FHIT: variants seen among roughly 807,000 people sequenced by gnomAD.
FHIT encodes the protein bis(5'-adenosyl)-triphosphatase.
In FHIT, 19 loss-of-function variants were observed where a neutral mutation model predicts 17.9. That is an observed-to-expected ratio of 1.06 (90% CI 0.74 to 1.56). FHIT has a LOEUF of 1.56. Ranked by LOEUF, FHIT falls within the 40% of genes most tolerant of loss-of-function variation. The probability of loss-of-function intolerance (pLI) is 0.00; values close to 1 mark genes in which losing one functional copy is unlikely to be tolerated. For synonymous variants in FHIT, 81 were observed against 69.7 expected (o/e 1.16, Z -0.81); for missense variants, 248 against 189.2 (o/e 1.31, Z -1.82).
chr3:60,111,508 T>C (rs1158124099), intron 5 of FHIT, among the ~76,000 whole-genome samples: 1 of 152,186 alleles, frequency 6.6e-6, no homozygotes, highest in Non-Finnish European at 1.5e-5. Flanking sequence ...CTTCCAGCAA[T>C]GTAATTACCC....
intron 4 of FHIT, among the ~76,000 whole-genome samples, chr3:60,756,682 T>C (rs1395801246): frequency 1.3e-5 from 2 of 152,238 alleles, no homozygotes; most frequent in Non-Finnish European, 2.9e-5. Context: ...AGAAGATCTA[T>C]GTTATCACCT....
intron 4 of FHIT, among the ~76,000 whole-genome samples, chr3:60,600,412 G>A (rs981644492): frequency 2.0e-5 from 3 of 151,984 alleles, no homozygotes; most frequent in Admixed American, 1.3e-4. Context: ...GAGTAAGGCA[G>A]GATTACAGAA....
intron 7 of FHIT, among the ~76,000 whole-genome samples, chr3:59,929,858 C>T (rs773985001): frequency 1.4e-4 from 17 of 122,070 alleles, no homozygotes; most frequent in Admixed American, 5.1e-4. Context: ...ATATGATACA[C>T]GCTTTTTTTT....
chr3:60,357,150 G>A (rs1214121988), intron 5 of FHIT, among the ~76,000 whole-genome samples: 1 of 152,070 alleles, frequency 6.6e-6, no homozygotes, highest in Non-Finnish European at 1.5e-5. Flanking sequence ...AAGAAACTCC[G>A]GATTGTTTCA....
intron 2 of FHIT, among the ~76,000 whole-genome samples, chr3:61,170,042 C>T (rs1359850886): frequency 6.6e-6 from 1 of 152,050 alleles, no homozygotes. Context: ...TAAAGCCAGG[C>T]TAGAAAGATC....
At chr3:61,188,709 C>T (rs914120827) in intron 2 of FHIT, among the ~76,000 whole-genome samples, 2 of 152,088 alleles carry the variant, frequency 1.3e-5, no homozygotes, top group Non-Finnish European at 2.9e-5. Context: ...CCGAATCCAG[C>T]AGCACATCAA....
intron 4 of FHIT, among the ~76,000 whole-genome samples, chr3:60,820,600 G>C (rs1701890768): frequency 6.6e-6 from 1 of 152,170 alleles, no homozygotes; most frequent in African/African-American, 2.4e-5. Flanking sequence ...GCCCAACTTT[G>C]CAAATTTTGC....
intron 4 of FHIT, among the ~76,000 whole-genome samples, chr3:60,714,564 C>T (rs1461920845): frequency 6.6e-6 from 1 of 152,170 alleles, no homozygotes; most frequent in Non-Finnish European, 1.5e-5. Flanking sequence ...TCTCCTTAAG[C>T]TGATAAGCAA....
chr3:60,821,650 A>G (rs1240479392), intron 4 of FHIT, among the ~76,000 whole-genome samples: 2 of 152,208 alleles, frequency 1.3e-5, no homozygotes, highest in Non-Finnish European at 2.9e-5. Flanking sequence ...CATTTCATGG[A>G]AAAGAAGGGG....
At chr3:59,793,614 A>G (rs1699659915) in intron 8 of FHIT, among the ~76,000 whole-genome samples, 1 of 152,200 alleles carries the variant, frequency 6.6e-6, no homozygotes, top group South Asian at 2.1e-4. Context: ...GAATTCAATG[A>G]AAATTTCCTT....
chr3:59,888,421 A>G (rs891434617), intron 8 of FHIT, among the ~76,000 whole-genome samples: 1 of 152,238 alleles, frequency 6.6e-6, no homozygotes, highest in Non-Finnish European at 1.5e-5. Context: ...AACAGCTAAA[A>G]GGCCCAAATT....
At chr3:60,287,881 C>T (rs1192689920) in intron 5 of FHIT, among the ~76,000 whole-genome samples, 1 of 151,984 alleles carries the variant, frequency 6.6e-6, no homozygotes, top group African/African-American at 2.4e-5. Flanking sequence ...AGATACATAA[C>T]CCCTCTGTAT....
intron 3 of FHIT, among the ~76,000 whole-genome samples, chr3:60,983,468 G>C (rs1575794461): frequency 6.6e-6 from 1 of 152,138 alleles, no homozygotes; most frequent in African/African-American, 2.4e-5. Flanking sequence ...ATGAATTCCA[G>C]GTTGCACATA....
intron 7 of FHIT, among the ~76,000 whole-genome samples, chr3:60,002,165 C>T (rs1464210928): frequency 6.6e-6 from 1 of 152,002 alleles, no homozygotes; most frequent in Non-Finnish European, 1.5e-5. Context: ...ACGTCAGGAA[C>T]CAGGAAGACT....
intron 4 of FHIT, among the ~76,000 whole-genome samples, chr3:60,785,934 C>CAGAGAGAGAGAG (rs60858106): frequency 4.9e-4 from 67 of 138,004 alleles, no homozygotes; most frequent in African/African-American, 1.7e-3. Flanking sequence ...CACACACACA[C>CAGAGAGAGAGAG]AGAGAGAGTA....
At chr3:60,572,478 T>C (rs556640605) in intron 4 of FHIT, among the ~76,000 whole-genome samples, 4 of 152,094 alleles carry the variant, frequency 2.6e-5, no homozygotes, top group African/African-American at 9.6e-5. Context: ...GTTGATAACA[T>C]AATGGCTAAA....
chr3:59,839,035 A>G (rs1701435538), intron 8 of FHIT, among the ~76,000 whole-genome samples: 1 of 152,130 alleles, frequency 6.6e-6, no homozygotes, highest in African/African-American at 2.4e-5. Context: ...CTCATCTCCC[A>G]GCTGGGCGCG....
chr3:61,128,442 T>A (rs1560004667), intron 2 of FHIT, among the ~76,000 whole-genome samples: 1 of 152,196 alleles, frequency 6.6e-6, no homozygotes, highest in South Asian at 2.1e-4. Context: ...AGCTTAGCAT[T>A]CTTCCCTAAT....
chr3:60,233,408 C>T lies in FHIT; in HGVS notation c.104-219256G>A, dbSNP rs76606979. Among the ~76,000 whole-genome samples the T allele has an allele frequency of 3.9e-4, 59 of 152,096 alleles. 1 individual carries two copies. The East Asian group carries it at 0.011, about 28-fold the overall frequency. ...TCTTTTCAGCCTTAGAGGGCTCCTCCCCAAGATGTGCCAGATGTGCCCAGT... is the reference window on the plus strand; with the variant it reads ...TCTTTTCAGCCTTAGAGGGCTCCTCTCCAAGATGTGCCAGATGTGCCCAGT... On this transcript the variant is annotated intron_variant, in intron 5 of 9. Transcript: ENST00000492590.
Sources: gnomAD v4.1 joint callset for allele counts (sites outside exome capture counted in the v4.1 genomes callset) on GRCh38, gnomAD v4.1.1 for gene constraint, MANE v1.5 for transcripts, NCBI Gene and HGNC (gene_info 2026-07-23, HGNC 2026-07-21) for gene names.